The following USH2A variants were observed in gnomAD, a reference collection of about 807,000 sequenced individuals.
The protein encoded by USH2A is Usher syndrome 2A (autosomal recessive, mild).
In USH2A, 443 loss-of-function variants were observed where a neutral mutation model predicts 538.9. The observed-to-expected ratio is 0.82, with a 90% CI of 0.76 to 0.89. The LOEUF is 0.89. USH2A is among the 40% of genes least tolerant of loss of function. The probability of loss-of-function intolerance (pLI) is 0.00; values close to 1 mark genes in which losing one functional copy is unlikely to be tolerated. For synonymous variants in USH2A, 2,413 were observed against 2,273.5 expected (o/e 1.06, Z -1.75); for missense variants, 6,633 against 6,324.8 (o/e 1.05, Z -1.65).
chr1:216,171,649 G>C (rs2034278829), intron 21 of USH2A, among the ~76,000 whole-genome samples: 1 of 151,972 alleles, frequency 6.6e-6, no homozygotes, highest in Non-Finnish European at 1.5e-5. Context: ...CTGTGTGGTA[G>C]GCACTGTGCA....
In USH2A at chr1:216,390,960, G is replaced by A. The variant is rs144119261; in HGVS notation, c.652-25875C>T. On this transcript the variant is annotated intron_variant, in intron 3 of 71. Transcript: ENST00000307340. ...GCATTCTGTCCAGAGATAACAAGTG[G>A]ACCGACAAGAACATCAGCTGTGAAT... 1.7e-3 allele frequency among the ~76,000 whole-genome samples: 255 copies of A among 152,170 alleles called. 3 individuals carry two copies. Among genetic ancestry groups the A allele is most frequent in the Admixed American group, 0.016 (244 of 15,294 alleles).
At chr1:216,210,425 C>T (rs2035213972) in intron 15 of USH2A, among the ~76,000 whole-genome samples, 1 of 152,090 alleles carries the variant, frequency 6.6e-6, no homozygotes, top group Admixed American at 6.5e-5. Flanking sequence ...TGTGATCAAT[C>T]AAGCAGCTGA....
At chr1:216,096,681 C>T (rs140663358) in intron 22 of USH2A, among the ~76,000 whole-genome samples, 2 of 152,096 alleles carry the variant, frequency 1.3e-5, no homozygotes, top group African/African-American at 4.8e-5. Context: ...TACCATAGTA[C>T]CCGATAGCCA....
At position 215,634,442 on chromosome 1, in the gene USH2A, C is replaced by T. The variant is rs1388628026; in HGVS notation, c.15297+17G>A. ...GTCCAGTGATAGGGAAATGGGGCCACACCTCTACAAACATACCATATGGTT... is the reference window on the plus strand; with the variant it reads ...GTCCAGTGATAGGGAAATGGGGCCATACCTCTACAAACATACCATATGGTT... On this transcript the variant is annotated intron_variant, in intron 70 of 71. Coordinates refer to ENST00000307340, the MANE Select transcript of USH2A (RefSeq NM_206933.4). 24 of 1,614,198 alleles carry T rather than the reference C, an allele frequency of 1.5e-5. No homozygotes were observed. The highest frequency in any genetic ancestry group is 2.2e-5 in the East Asian group (1 of 44,886).
chr1:215,737,309 A>G (rs1292973790), intron 60 of USH2A, among the ~76,000 whole-genome samples: 1 of 151,936 alleles, frequency 6.6e-6, no homozygotes, highest in Non-Finnish European at 1.5e-5. Flanking sequence ...ATATGCCATG[A>G]GTAAATCATA....
chr1:216,322,089 TTTAA>T (rs1417328971), intron 8 of USH2A, 113 bp from the exon 9 acceptor site: 1 of 985,532 alleles, frequency 1.0e-6, no homozygotes, highest in Non-Finnish European at 1.6e-6. Context: ...TTTTTGTATA[TTTAA>T]TTGATACAAA....
chr1:216,143,643 T>C (rs1232988273), intron 21 of USH2A, among the ~76,000 whole-genome samples: 2 of 152,212 alleles, frequency 1.3e-5, no homozygotes, highest in Non-Finnish European at 2.9e-5. Flanking sequence ...GAAGTTTTAC[T>C]GAATTTTATT....
At chr1:216,423,028 C>G (rs1310031393) in intron 1 of USH2A, among the ~76,000 whole-genome samples, 186 bp downstream of exon 1, 1 of 152,068 alleles carries the variant, frequency 6.6e-6, no homozygotes, top group Admixed American at 6.6e-5. Flanking sequence ...TTCCCCTTAT[C>G]CCAGCATGTG....
At chr1:215,635,169 T>C (rs1056859528) in intron 69 of USH2A, among the ~76,000 whole-genome samples, 1 of 152,212 alleles carries the variant, frequency 6.6e-6, no homozygotes, top group African/African-American at 2.4e-5. Context: ...ACTTGCTTCA[T>C]GCAACAGTCC....
chr1:216,261,006 C>T (rs1056008462), intron 11 of USH2A, among the ~76,000 whole-genome samples: 2 of 152,142 alleles, frequency 1.3e-5, no homozygotes, highest in Admixed American at 6.6e-5. Flanking sequence ...TGCTCATAAA[C>T]ATGAGTAAAG....
At chr1:215,883,621 C>T (rs1295534844) in intron 41 of USH2A, among the ~76,000 whole-genome samples, 5 of 151,754 alleles carry the variant, frequency 3.3e-5, no homozygotes, top group Admixed American at 2.0e-4. Flanking sequence ...GATAGTTGGT[C>T]GGGCTGGTAT....
intron 55 of USH2A, among the ~76,000 whole-genome samples, chr1:215,772,414 G>A (rs890454597): frequency 6.6e-6 from 1 of 152,182 alleles, no homozygotes; most frequent in African/African-American, 2.4e-5. Flanking sequence ...TAACATTTCA[G>A]TATAGTGAAG....
At chr1:215,853,160 T>C (rs1187552630) in intron 44 of USH2A, among the ~76,000 whole-genome samples, 2 of 152,172 alleles carry the variant, frequency 1.3e-5, no homozygotes, top group African/African-American at 4.8e-5. Context: ...TACTTTAAAA[T>C]CTAGGTGGAG....
At chr1:215,876,306 C>A (rs1664774431) in intron 43 of USH2A, among the ~76,000 whole-genome samples, 1 of 152,130 alleles carries the variant, frequency 6.6e-6, no homozygotes, top group Non-Finnish European at 1.5e-5. Flanking sequence ...GTTGCTTGAT[C>A]AGATTTACGA....
intron 22 of USH2A, among the ~76,000 whole-genome samples, chr1:216,093,522 C>G (rs1023828949): frequency 6.6e-6 from 1 of 152,162 alleles, no homozygotes; most frequent in African/African-American, 2.4e-5. Context: ...ACAACTAGAC[C>G]TGCCAGATGA....
chr1:216,050,990 C>T (rs180679130), intron 30 of USH2A, among the ~76,000 whole-genome samples: 5 of 152,210 alleles, frequency 3.3e-5, no homozygotes, highest in Admixed American at 1.3e-4. Context: ...TATCCTCCCT[C>T]AACTTCCTTC....
In USH2A at chr1:215,790,188, A is replaced by T. The variant is rs1397223644; in HGVS notation, c.10053T>A (p.Asn3351Lys). Residue 3351 changes from asparagine to lysine, a missense_variant, in exon 51 of 72, where the codon AAT (asparagine) becomes AAA (lysine). By Grantham distance (94) the Asn-to-Lys change is moderately conservative. Coordinates refer to ENST00000307340, the MANE Select transcript of USH2A (RefSeq NM_206933.4). ...SGESKAHIKK[N>K]DPVPVKCCET... is the part of the protein sequence containing the mutation. ...CACAGCATTTTACTGGCACCGGGTC[A>T]TTCTTTTTAATATGTGCTTTAGACT... 2 of 1,613,996 alleles carry T rather than the reference A, an allele frequency of 1.2e-6. No homozygotes were observed. Among genetic ancestry groups the T allele is most frequent in the African/African-American group, 2.7e-5 (2 of 74,932 alleles).
chr1:216,283,409 A>G (rs570622829), intron 11 of USH2A, among the ~76,000 whole-genome samples: 2 of 152,152 alleles, frequency 1.3e-5, no homozygotes, highest in African/African-American at 2.4e-5. Flanking sequence ...TAGTTTTAAT[A>G]CTTTTGAATT....
At chr1:216,059,488 A>T (rs1431595810) in intron 30 of USH2A, among the ~76,000 whole-genome samples, 4 of 152,318 alleles carry the variant, frequency 2.6e-5, no homozygotes, top group Middle Eastern at 3.4e-3. Context: ...TTTCCAGCTA[A>T]CAGATGTTGA....
Sources: gnomAD v4.1 joint callset for allele counts (sites outside exome capture counted in the v4.1 genomes callset) on GRCh38, gnomAD v4.1.1 for gene constraint, MANE v1.5 for transcripts, NCBI Gene and HGNC (gene_info 2026-07-23, HGNC 2026-07-21) for gene names.